The following HIP1 variants were observed in gnomAD, a reference collection of about 807,000 sequenced individuals.
HIP1 encodes huntingtin-interacting protein 1.
In HIP1, 65 loss-of-function variants were observed where a neutral mutation model predicts 147.6. That is an observed-to-expected ratio of 0.44 (90% CI 0.36 to 0.54). The LOEUF (loss-of-function observed/expected upper bound fraction) is 0.54, where lower values mean the gene tolerates loss of function less well. Among genes scored for constraint, HIP1 ranks in the 20% least tolerant of loss-of-function variants. The pLI is 0.00. For missense variants in HIP1, 1,061 were observed against 1,299.6 expected, an observed-to-expected ratio of 0.82 and a Z score of 2.82; for synonymous variants, 479 against 504.0, an observed-to-expected ratio of 0.95 and a Z score of 0.67.
rs794355 is a variant in HIP1 at position 75,568,472 on chromosome 7, T to C, written c.746-216A>G. Among the ~76,000 whole-genome samples, 134,114 of 152,166 alleles carry C rather than the reference T, an allele frequency of 0.88. 59,280 individuals are homozygous for C. The highest frequency in any genetic ancestry group is 0.93 in the Middle Eastern group (273 of 294). Reference sequence around the variant, plus strand: ...GGAGACGCTTATCCTCCAAATCCTTTCACTTCAATTAGTTCCTGAAGGACA... The same window carrying C: ...GGAGACGCTTATCCTCCAAATCCTTCCACTTCAATTAGTTCCTGAAGGACA... On this transcript the variant is annotated intron_variant, in intron 8 of 30. Transcript: ENST00000336926. This position sits in a 1 kb window ranked among gnomAD's most constrained non-coding sequence, Gnocchi z 4.1.
At chr7:75,665,772 C>T (rs1379998312) in intron 1 of HIP1, among the ~76,000 whole-genome samples, 1 of 152,060 alleles carries the variant, frequency 6.6e-6, no homozygotes, top group Non-Finnish European at 1.5e-5. Context: ...AACTCCTGGA[C>T]TCAAGTGATC....
chr7:75,736,681 G>T (rs1403086875), intron 1 of HIP1, among the ~76,000 whole-genome samples: 1 of 152,100 alleles, frequency 6.6e-6, no homozygotes. Flanking sequence ...CAGGGGTCGG[G>T]TCCATGAAAC....
At position 75,553,655 on chromosome 7, in the gene HIP1, G is replaced by T. The variant is rs1794878108; in HGVS notation, c.2159-66C>A. On this transcript the variant is annotated intron_variant, in intron 21 of 30. Coordinates refer to ENST00000336926, the MANE Select transcript of HIP1 (RefSeq NM_005338.7). ...AGTCTCGCTCTTGTTGCCCAGGCTGGAGTGCAGTGGCGCCATCTCGGCTCA... is the reference window on the plus strand; with the variant it reads ...AGTCTCGCTCTTGTTGCCCAGGCTGTAGTGCAGTGGCGCCATCTCGGCTCA... 4.7e-6 allele frequency: 7 copies of T among 1,483,046 alleles called. No homozygotes were observed. The Admixed American group carries it at 1.1e-4, about 23-fold the overall frequency. 91.9% of individuals were successfully genotyped at this position (1,483,046 alleles called of 1,614,324 possible).
At chr7:75,595,248 CTTT>C (rs1584853851) in intron 2 of HIP1, among the ~76,000 whole-genome samples, 141 of 98,640 alleles carry the variant, frequency 1.4e-3, no homozygotes, top group Middle Eastern at 4.8e-3. Flanking sequence ...TTCTTTCTTT[CTTT>C]CTTCCTTCCT....
At chr7:75,589,887 C>T (rs962219498) in intron 4 of HIP1, among the ~76,000 whole-genome samples, 17 of 151,656 alleles carry the variant, frequency 1.1e-4, no homozygotes, top group Non-Finnish European at 2.5e-4. Context: ...CCCACCACCA[C>T]GCCCGGCTAA....
intron 1 of HIP1, among the ~76,000 whole-genome samples, chr7:75,617,073 ATTT>A (rs71519374): frequency 5.7e-5 from 7 of 123,514 alleles, no homozygotes; most frequent in Admixed American, 1.7e-4. Context: ...CACCCAGCTA[ATTT>A]TTTTTTTTTT....
chr7:75,681,202 C>T lies in HIP1; in HGVS notation c.120+57599G>A, dbSNP rs191673043. ...TGCTGGGATTACGGGCATGAGCCAC[C>T]GCGCCCAGTGATAAAATATAACTTT... On this transcript the variant is annotated intron_variant, in intron 1 of 30. Transcript: ENST00000336926. Among the ~76,000 whole-genome samples, 10 of 152,184 alleles carry T rather than the reference C, an allele frequency of 6.6e-5. No individual in the cohort carries two copies. The East Asian group carries it at 1.2e-3, about 18-fold the overall frequency.
At chr7:75,667,593 C>T (rs887814647) in intron 1 of HIP1, among the ~76,000 whole-genome samples, 1 of 152,312 alleles carries the variant, frequency 6.6e-6, no homozygotes, top group Admixed American at 6.5e-5. Context: ...TCAGGTGATC[C>T]TCCCATCTCA....
intron 14 of HIP1, among the ~76,000 whole-genome samples, chr7:75,558,879 C>T (rs1479172145): frequency 6.6e-6 from 1 of 152,086 alleles, no homozygotes; most frequent in Non-Finnish European, 1.5e-5. Context: ...ATCAGCTGGA[C>T]ATGGTGGTGT....
chr7:75,613,256 A>G (rs1554505386), intron 1 of HIP1, among the ~76,000 whole-genome samples: 1 of 152,090 alleles, frequency 6.6e-6, no homozygotes, highest in African/African-American at 2.4e-5. Context: ...CCAAATGGAG[A>G]TCAGGTGAGC....
At chr7:75,548,650 T>C (rs1794663959) in intron 23 of HIP1, among the ~76,000 whole-genome samples, 1 of 151,908 alleles carries the variant, frequency 6.6e-6, no homozygotes, top group Non-Finnish European at 1.5e-5. Flanking sequence ...CTAATTATTT[T>C]ATCTTTTGTA....
chr7:75,609,583 G>A (rs1797352365), intron 1 of HIP1, among the ~76,000 whole-genome samples: 1 of 149,254 alleles, frequency 6.7e-6, no homozygotes, highest in Non-Finnish European at 1.5e-5. Context: ...TTTGAGAACA[G>A]AGTCTTGCCC....
chr7:75,571,013 AAAAT>A (rs759877041), intron 8 of HIP1, among the ~76,000 whole-genome samples: 14 of 151,824 alleles, frequency 9.2e-5, no homozygotes, highest in Non-Finnish European at 1.5e-4. Context: ...CTGTTTCAGA[AAAAT>A]AAATAAATAA....
At chr7:75,664,957 C>T (rs2525467) in intron 1 of HIP1, among the ~76,000 whole-genome samples, 93,310 of 151,874 alleles carry the variant, frequency 0.61, 29,373 homozygotes, top group Middle Eastern at 0.74. Flanking sequence ...AAAGAAGAGA[C>T]TAATTTGGGC....
At chr7:75,637,985 CCCCCCCCCACACACACACATACACACA>C (rs1408281671) in intron 1 of HIP1, among the ~76,000 whole-genome samples, 15 of 52,464 alleles carry the variant, frequency 2.9e-4, no homozygotes, top group African/African-American at 1.4e-3. Context: ...AGACCCCCCC[CCCCCCCCCACACACACACATACACACA>C]CACACACACA....
At chr7:75,565,737 CT>C (rs34786053) in intron 9 of HIP1, among the ~76,000 whole-genome samples, 55,038 of 143,938 alleles carry the variant, frequency 0.38, 10,780 homozygotes, top group Non-Finnish European at 0.43. Context: ...CCCTCCTTTC[CT>C]TTTTTTTTTT....
At chr7:75,715,022 T>C (rs1307186764) in intron 1 of HIP1, among the ~76,000 whole-genome samples, 4 of 152,120 alleles carry the variant, frequency 2.6e-5, no homozygotes, top group Admixed American at 6.6e-5. Context: ...AGGTACTTTA[T>C]AGAATATCCC....
intron 14 of HIP1, among the ~76,000 whole-genome samples, chr7:75,559,442 C>T (rs1795138248): frequency 1.3e-5 from 2 of 152,090 alleles, no homozygotes. Flanking sequence ...TTTGTTAGGA[C>T]CTCAATCCTC....
At chr7:75,721,419 C>G (rs1012207466) in intron 1 of HIP1, among the ~76,000 whole-genome samples, 1 of 151,884 alleles carries the variant, frequency 6.6e-6, no homozygotes, top group Non-Finnish European at 1.5e-5. Flanking sequence ...GTAGTCCCAG[C>G]TACTCAGGAG....
Sources: gnomAD v4.1 joint callset for allele counts (sites outside exome capture counted in the v4.1 genomes callset) on GRCh38, gnomAD v4.1.1 for gene constraint, Gnocchi (gnomAD v3.1) non-coding constraint, MANE v1.5 for transcripts, NCBI Gene and HGNC (gene_info 2026-07-23, HGNC 2026-07-21) for gene names.